PCDH7: variants seen among roughly 807,000 people sequenced by gnomAD.
PCDH7 encodes the protein protocadherin-7.
In PCDH7, 17 loss-of-function variants were observed where a neutral mutation model predicts 58.9. That is an observed-to-expected ratio of 0.29 (90% CI 0.20 to 0.43). The LOEUF (loss-of-function observed/expected upper bound fraction) is 0.43, where lower values mean the gene tolerates loss of function less well. Ranked by LOEUF, PCDH7 falls within the 20% of genes least tolerant of loss-of-function variation. The pLI, the probability that PCDH7 is intolerant of heterozygous loss-of-function variation, is 1.00. For missense variants in PCDH7, 1,274 were observed against 1,441.0 expected (o/e 0.88, Z 1.88); for synonymous variants, 664 against 616.4 (o/e 1.08, Z -1.14).
At chr4:30,993,585 C>CA (rs773772718) in intron 3 of PCDH7, among the ~76,000 whole-genome samples, 5 of 151,946 alleles carry the variant, frequency 3.3e-5, no homozygotes, top group Non-Finnish European at 5.9e-5. Context: ...CATATCAGGG[C>CA]ATTAGATACG....
In PCDH7 at chr4:31,041,760, G is replaced by A. The variant is rs79311766; in HGVS notation, c.*7+91545G>A. On this transcript the variant is annotated intron_variant, in intron 3 of 3. Transcript: ENST00000509759. The stretch of plus-strand genomic sequence containing the variant: ...TCATCCAATCAATATGCTTCTTTAT[G>A]ATGAAGATGCAGAAATGCCACCAAC... 2.4e-3 allele frequency among the ~76,000 whole-genome samples: 362 copies of A among 152,098 alleles called. 2 individuals carry two copies. In the East Asian group the frequency reaches 0.032, roughly 13 times the overall value.
rs556250991 is a variant in PCDH7 at position 30,758,452 on chromosome 4, A to G, written c.70+33856A>G. On this transcript the variant is annotated intron_variant, in intron 1 of 3. Coordinates refer to the PCDH7 transcript ENST00000509759. ...ATACTTCATAGAATTTAAAACATTT[A>G]TCTTACAGTTCCAGTATGAGCAGTT... Among the ~76,000 whole-genome samples, 21 of 152,354 alleles carry G rather than the reference A, an allele frequency of 1.4e-4. No individual in the cohort carries two copies. In the East Asian group the frequency reaches 3.7e-3, roughly 27 times the overall value.
At chr4:30,991,436 A>C (rs1195859332) in intron 3 of PCDH7, among the ~76,000 whole-genome samples, 1 of 152,212 alleles carries the variant, frequency 6.6e-6, no homozygotes, top group Non-Finnish European at 1.5e-5. Flanking sequence ...TTAAAGAGGG[A>C]TATCCCTGAT....
At chr4:30,897,407 C>G (rs1008874950) in intron 1 of PCDH7, among the ~76,000 whole-genome samples, 1 of 152,142 alleles carries the variant, frequency 6.6e-6, no homozygotes, top group Non-Finnish European at 1.5e-5. Flanking sequence ...TTTCCACATT[C>G]ATGCCAAAGT....
chr4:30,999,246 T>A (rs553975952), intron 3 of PCDH7, among the ~76,000 whole-genome samples: 2 of 152,232 alleles, frequency 1.3e-5, no homozygotes, highest in East Asian at 3.9e-4. Context: ...TTGTTTCCCC[T>A]CCTTATCAGG....
intron 3 of PCDH7, among the ~76,000 whole-genome samples, chr4:30,954,581 A>C (rs887331802): frequency 6.6e-6 from 1 of 152,146 alleles, no homozygotes; most frequent in Non-Finnish European, 1.5e-5. Context: ...CTGCTTTGCT[A>C]TCACTGCTGT....
rs1491499066 is a variant in PCDH7 at position 30,856,707 on chromosome 4, A to AT, written c.71-63446_71-63445insT. Among the ~76,000 whole-genome samples, 1,237 of 142,408 alleles carry AT rather than the reference A, an allele frequency of 8.7e-3. 5 individuals carry two copies. Among genetic ancestry groups the AT allele is most frequent in the Middle Eastern group, 0.023 (6 of 260 alleles). The allele number at this position is 142,408 out of a possible 152,430, so 93.4% of individuals were successfully genotyped here. A position where few individuals can be genotyped will look rare whatever the true frequency, so the allele number is the denominator to read the frequency against. Reference sequence around the variant, plus strand: ...TACTGATATCAGAAAAAAAAAAAAAAATATATATATATATACATGCTTTAA... The same window carrying AT: ...TACTGATATCAGAAAAAAAAAAAAAATATATATATATATATACATGCTTTAA... On this transcript the variant is annotated intron_variant, in intron 1 of 3. Transcript: ENST00000509759.
At chr4:31,021,613 G>A (rs926464747) in intron 3 of PCDH7, among the ~76,000 whole-genome samples, 2 of 152,082 alleles carry the variant, frequency 1.3e-5, no homozygotes, top group Non-Finnish European at 2.9e-5. Context: ...CTTACCTCTT[G>A]TAATTCCAGC....
intron 1 of PCDH7, among the ~76,000 whole-genome samples, chr4:30,761,393 G>A (rs1719999610): frequency 6.6e-6 from 1 of 151,886 alleles, no homozygotes; most frequent in Non-Finnish European, 1.5e-5. Context: ...TAATTTTCTA[G>A]TTGCCTTATT....
chr4:30,796,979 T>C (rs1006628988), intron 1 of PCDH7, among the ~76,000 whole-genome samples: 4 of 152,012 alleles, frequency 2.6e-5, no homozygotes, highest in African/African-American at 7.2e-5. Flanking sequence ...CTTTTTTTTT[T>C]AAATGGAGTC....
chr4:30,921,942 TTTTTCAATG>T (rs1254164904), intron 2 of PCDH7, among the ~76,000 whole-genome samples: 3 of 151,920 alleles, frequency 2.0e-5, no homozygotes, highest in African/African-American at 7.2e-5. Flanking sequence ...ATTATAATCA[TTTTTCAATG>T]TTAGTTTCTG....
At chr4:30,769,624 T>C (rs1239398707) in intron 1 of PCDH7, among the ~76,000 whole-genome samples, 1 of 152,206 alleles carries the variant, frequency 6.6e-6, no homozygotes, top group African/African-American at 2.4e-5. Context: ...ACATGTTGTC[T>C]ATACTATTTT....
chr4:30,896,857 T>A (rs1218747888), intron 1 of PCDH7, among the ~76,000 whole-genome samples: 1 of 149,004 alleles, frequency 6.7e-6, no homozygotes, highest in East Asian at 2.0e-4. Context: ...CTAAACCCTT[T>A]CCACTTGTCT....
intron 1 of PCDH7, among the ~76,000 whole-genome samples, chr4:30,848,082 C>T (rs1002775996): frequency 6.6e-6 from 1 of 151,888 alleles, no homozygotes; most frequent in Non-Finnish European, 1.5e-5. Flanking sequence ...AATGGATTAC[C>T]CATATAAATA....
chr4:30,901,441 C>T (rs1740209953), intron 1 of PCDH7, among the ~76,000 whole-genome samples: 1 of 152,090 alleles, frequency 6.6e-6, no homozygotes, highest in African/African-American at 2.4e-5. Context: ...GATTTTTCAA[C>T]CTTGCTGACA....
At chr4:31,003,021 A>G (rs141559834) in intron 3 of PCDH7, among the ~76,000 whole-genome samples, 6 of 152,334 alleles carry the variant, frequency 3.9e-5, no homozygotes, top group Non-Finnish European at 1.5e-5. Context: ...TTGAAACGTA[A>G]TAACTATTTT....
At chr4:30,870,664 G>A (rs1560453196) in intron 1 of PCDH7, among the ~76,000 whole-genome samples, 1 of 152,162 alleles carries the variant, frequency 6.6e-6, no homozygotes, top group South Asian at 2.1e-4. Context: ...TGCGAAAATA[G>A]CACCAATTGG....
intron 3 of PCDH7, among the ~76,000 whole-genome samples, chr4:31,094,699 C>T (rs114981352): frequency 0.01 from 1,526 of 152,134 alleles, 17 homozygotes; most frequent in African/African-American, 0.035. Flanking sequence ...CCAGATACCA[C>T]TGATAGGAAA....
intron 1 of PCDH7, among the ~76,000 whole-genome samples, chr4:30,913,959 C>T (rs1434771498): frequency 1.3e-5 from 2 of 152,084 alleles, no homozygotes; most frequent in Non-Finnish European, 1.5e-5. Flanking sequence ...TAGTTTCATT[C>T]AGAAATGATC....
Sources: gnomAD v4.1 joint callset for allele counts (sites outside exome capture counted in the v4.1 genomes callset) on GRCh38, gnomAD v4.1.1 for gene constraint, MANE v1.5 for transcripts, NCBI Gene and HGNC (gene_info 2026-07-23, HGNC 2026-07-21) for gene names.